PBX1: variants seen among roughly 807,000 people sequenced by gnomAD.
PBX1 encodes pre-B-cell leukemia transcription factor 1.
PBX1 carries 6 observed loss-of-function variants against 53.4 expected under a neutral mutation model. That is an observed-to-expected ratio of 0.11 (90% confidence interval 0.06 to 0.22). PBX1 has a LOEUF of 0.22. PBX1 is among the 10% of genes least tolerant of loss of function. The pLI, the probability that PBX1 is intolerant of heterozygous loss-of-function variation, is 1.00. For synonymous variants in PBX1, 204 were observed against 212.3 expected (o/e 0.96, Z 0.34); for missense variants, 251 against 551.4 (o/e 0.46, Z 5.46).
At chr1:164,733,840 C>T (rs532438192) in intron 2 of PBX1, among the ~76,000 whole-genome samples, 2 of 152,220 alleles carry the variant, frequency 1.3e-5, no homozygotes. Flanking sequence ...ATATCTTATG[C>T]TAAACTTGAC....
intron 4 of PBX1, among the ~76,000 whole-genome samples, chr1:164,804,685 A>G (rs541540325): frequency 6.6e-6 from 1 of 152,354 alleles, no homozygotes; most frequent in East Asian, 1.9e-4. Context: ...CAGAAGAGGT[A>G]GATTTGAAAG....
At chr1:164,874,447 A>T (rs1293380392) in intron 2 of PBX1, among the ~76,000 whole-genome samples, 1 of 152,206 alleles carries the variant, frequency 6.6e-6, no homozygotes, top group Non-Finnish European at 1.5e-5. Context: ...GATTTTTTAC[A>T]TGCACATACA....
chr1:164,602,883 G>A (rs1311850094), intron 2 of PBX1, among the ~76,000 whole-genome samples: 1 of 152,170 alleles, frequency 6.6e-6, no homozygotes, highest in Non-Finnish European at 1.5e-5. Flanking sequence ...AGTGTATGAA[G>A]CGTTAATGAA....
intron 2 of PBX1, among the ~76,000 whole-genome samples, chr1:164,584,876 TCTC>T (rs888302310): frequency 1.3e-5 from 2 of 152,082 alleles, no homozygotes; most frequent in African/African-American, 4.8e-5. Context: ...ATCTGCAAAA[TCTC>T]CTCTTTTCTT....
intron 4 of PBX1, among the ~76,000 whole-genome samples, chr1:164,800,922 A>G (rs964259409): frequency 1.3e-5 from 2 of 152,114 alleles, no homozygotes; most frequent in Non-Finnish European, 2.9e-5. Context: ...AAAACAATTT[A>G]TTACTCCTCT....
chr1:164,776,311 G>C (rs763671957), intron 2 of PBX1, among the ~76,000 whole-genome samples: 2 of 152,112 alleles, frequency 1.3e-5, no homozygotes, highest in African/African-American at 2.4e-5. Context: ...GTGTTCCTTA[G>C]GTGTAAAGGG....
chr1:164,705,401 G>T (rs932223523), intron 2 of PBX1, among the ~76,000 whole-genome samples: 2 of 152,100 alleles, frequency 1.3e-5, no homozygotes, highest in Admixed American at 1.3e-4. Flanking sequence ...TCTGACTGTT[G>T]ACTGCTTTTA....
chr1:164,624,969 C>T (rs564018582), intron 2 of PBX1, among the ~76,000 whole-genome samples: 5 of 152,240 alleles, frequency 3.3e-5, no homozygotes, highest in East Asian at 1.9e-4. Context: ...TGTTATCTAT[C>T]CTTCCAATGA....
chr1:164,794,747 T>C (rs985692537), intron 3 of PBX1, among the ~76,000 whole-genome samples: 5 of 152,218 alleles, frequency 3.3e-5, no homozygotes, highest in African/African-American at 1.2e-4. Flanking sequence ...TATTACCCAA[T>C]GTTCTTCCTA....
At chr1:164,720,649 C>G (rs1457590772) in intron 2 of PBX1, among the ~76,000 whole-genome samples, 1 of 152,056 alleles carries the variant, frequency 6.6e-6, no homozygotes, top group Non-Finnish European at 1.5e-5. Context: ...AAACAGAAGC[C>G]CCTCAAGGAT....
At chr1:164,677,744 AAG>A (rs961798936) in intron 2 of PBX1, among the ~76,000 whole-genome samples, 1 of 151,948 alleles carries the variant, frequency 6.6e-6, no homozygotes, top group Non-Finnish European at 1.5e-5. Flanking sequence ...ATGGTGTAGT[AAG>A]AGGGGATAGT....
At chr1:164,673,465 CTT>C (rs1171916726) in intron 2 of PBX1, among the ~76,000 whole-genome samples, 290 of 109,370 alleles carry the variant, frequency 2.7e-3, no homozygotes, top group Middle Eastern at 0.012. Flanking sequence ...AAATTACTAA[CTT>C]TTTTTTTTTT....
In PBX1 at chr1:164,584,436, A is replaced by T. The variant is rs560638336; in HGVS notation, c.265+21125A>T. 2.6e-5 allele frequency among the ~76,000 whole-genome samples: 4 copies of T among 152,278 alleles called. No individual in the cohort carries two copies. The East Asian group carries it at 7.7e-4, about 29-fold the overall frequency. On this transcript the variant is annotated intron_variant, in intron 2 of 8. Transcript: ENST00000420696. Reference sequence around the variant, plus strand: ...GGATACTAGTTTGTTCATCTTATGTATGCTCTTATGTGATGTGTCGAGAAT... The same window carrying T: ...GGATACTAGTTTGTTCATCTTATGTTTGCTCTTATGTGATGTGTCGAGAAT...
At position 164,848,478 on chromosome 1, in the gene PBX1, C is replaced by T. The variant is rs554844532; in HGVS notation, c.*1802C>T. 4.2e-5 allele frequency: 44 copies of T among 1,057,542 alleles called. No homozygotes were observed. Among genetic ancestry groups the T allele is most frequent in the Middle Eastern group, 4.2e-4 (1 of 2,386 alleles). 65.5% of individuals were successfully genotyped at this position (1,057,542 alleles called of 1,614,324 possible). On this transcript the variant is annotated 3_prime_UTR_variant, in exon 9 of 9. Transcript: ENST00000420696. ...GGGGAAGTAATGTCCCTGAAATAAA[C>T]GGGTTCATGCCATCTAGGGACAATA...
At chr1:164,645,980 T>C (rs1350684157) in intron 2 of PBX1, among the ~76,000 whole-genome samples, 1 of 152,192 alleles carries the variant, frequency 6.6e-6, no homozygotes, top group African/African-American at 2.4e-5. Flanking sequence ...AGTCACCTCA[T>C]CTTTCTGTCT....
intron 2 of PBX1, among the ~76,000 whole-genome samples, chr1:164,609,697 C>G (rs1241866389): frequency 6.6e-6 from 1 of 152,118 alleles, no homozygotes; most frequent in Non-Finnish European, 1.5e-5. Flanking sequence ...TTCTGTTGCG[C>G]TTGGTAAGAG....
chr1:164,653,348 G>T (rs1183210633), intron 2 of PBX1, among the ~76,000 whole-genome samples: 6 of 143,954 alleles, frequency 4.2e-5, no homozygotes, highest in Non-Finnish European at 9.2e-5. Flanking sequence ...AGTCTCACTT[G>T]TTTTTTTTTT....
At chr1:164,854,553 A>G (rs1220622394), downstream of PBX1, among the ~76,000 whole-genome samples, 1 of 152,002 alleles carries the variant, frequency 6.6e-6, no homozygotes, top group African/African-American at 2.4e-5. Flanking sequence ...GTTCCCTCTC[A>G]TTCCTGCATA....
At chr1:164,564,349 G>T (rs569030874) in intron 2 of PBX1, among the ~76,000 whole-genome samples, 10 of 151,792 alleles carry the variant, frequency 6.6e-5, no homozygotes, top group Non-Finnish European at 1.0e-4. Context: ...GAATGAAAGT[G>T]ACAATAAATA....
Sources: allele counts gnomAD v4.1 joint callset (sites outside exome capture counted in the v4.1 genomes callset), GRCh38; gene constraint gnomAD v4.1.1; transcripts MANE v1.5; gene names NCBI Gene and HGNC (gene_info 2026-07-23, HGNC 2026-07-21).